Variants in DGCR2 observed in about 807,000 individuals in gnomAD.
DGCR2 encodes the protein integral membrane protein DGCR2/IDD.
Under a neutral mutation model 51.6 loss-of-function variants are expected in DGCR2, and 24 were observed. That is an observed-to-expected ratio of 0.47 (90% CI 0.34 to 0.65). The LOEUF (loss-of-function observed/expected upper bound fraction) is 0.65. Ranked by LOEUF, DGCR2 falls within the 30% of genes least tolerant of loss-of-function variation. DGCR2 has a pLI of 0.01. For synonymous variants in DGCR2, 340 were observed against 315.4 expected, an observed-to-expected ratio of 1.08 and a Z score of -0.82; for missense variants, 765 against 772.1, an observed-to-expected ratio of 0.99 and a Z score of 0.11.
At chr22:19,076,407 C>T (rs540843449) in intron 2 of DGCR2, among the ~76,000 whole-genome samples, 425 of 152,120 alleles carry the variant, frequency 2.8e-3, no homozygotes, top group Non-Finnish European at 3.6e-3. Context: ...TCAAGTGATC[C>T]GCCCGCCTCG....
In DGCR2 at chr22:19,038,882, G is replaced by A. The variant is rs937597449; in HGVS notation, c.1636C>T (p.Leu546Phe). ...CAGGCCGTCTACACCACAGTATTGA[G>A]GGAGCTGCGGCTGTGGCGGCCACCC... ...PGGGRHSRSS[L>F]NTVV The change falls in exon 10 of 10, where the codon CTC (leucine) becomes TTC (phenylalanine). Residue 546 changes from leucine (L) to phenylalanine (F), a missense_variant. Leu to Phe is a conservative substitution (Grantham distance 22). Around this residue, in one of 3 missense-constraint regions of DGCR2, gnomAD observed 205 missense variants for 181.4 expected, o/e 1.13. Coordinates refer to ENST00000263196, the MANE Select transcript of DGCR2 (RefSeq NM_005137.3). 7.4e-6 allele frequency: 12 copies of A among 1,612,838 alleles called. No homozygotes were observed. Among genetic ancestry groups the A allele is most frequent in the Non-Finnish European group, 9.3e-6 (11 of 1,179,910 alleles).
At position 19,038,766 on chromosome 22, in the gene DGCR2, C is replaced by T. The variant is rs2082398020; in HGVS notation, c.*99G>A. 10 of 1,480,890 alleles carry T rather than the reference C, an allele frequency of 6.8e-6. No homozygotes were observed. Among genetic ancestry groups the T allele is most frequent in the East Asian group, 2.3e-5 (1 of 43,776 alleles). The allele number at this position is 1,480,890 out of a possible 1,614,324, so 91.7% of individuals were successfully genotyped here. ...GCCAGTGACGTGCGGCAGTGCGTGG[C>T]GTCCAGGCTGGGACAGGGGCCTTTC... On this transcript the variant is annotated 3_prime_UTR_variant, in exon 10 of 10. Transcript: ENST00000263196.
At chr22:19,041,609 C>A in intron 8 of DGCR2, 198 bp downstream of exon 8, 1 of 667,200 alleles carries the variant, frequency 1.5e-6, no homozygotes, top group Non-Finnish European at 2.5e-6. Flanking sequence ...GAGTTCTGCC[C>A]ACCCTGTGGC....
chr22:19,074,754 T>C (rs2145985604), intron 2 of DGCR2, among the ~76,000 whole-genome samples: 1 of 152,238 alleles, frequency 6.6e-6, no homozygotes, highest in South Asian at 2.1e-4. Context: ...AACTAAAAAT[T>C]TGAAGTAGAC....
intron 1 of DGCR2, among the ~76,000 whole-genome samples, chr22:19,108,219 A>C (rs770720240): frequency 1.3e-5 from 2 of 152,120 alleles, no homozygotes; most frequent in Non-Finnish European, 2.9e-5. Context: ...AACAAGAAAA[A>C]ATGATAAATC....
Position 19,122,160 on chromosome 22 carries a change from A to T in DGCR2, c.47T>A (p.Leu16His). Reference sequence around the variant, plus strand: ...CAGCGGCTCGGTGACAGTGAGCACGAGCAGGAAGAGCAGCAGGAAGGCGCC... The same window carrying T: ...CAGCGGCTCGGTGACAGTGAGCACGTGCAGGAAGAGCAGCAGGAAGGCGCC... ...DSGAFLLLFL[L>H]VLTVTEPLRP... is the part of the protein sequence containing the mutation. Residue 16 changes from leucine (L) to histidine (H), a missense_variant, in exon 1 of 10, where the codon CTC (leucine) becomes CAC (histidine). By Grantham distance (99) the Leu-to-His change is moderately conservative (BLOSUM62 -3). This residue lies in a region of DGCR2 where 370 missense variants were observed against 325.5 expected (regional missense o/e 1.14). Coordinates refer to ENST00000263196, the MANE Select transcript of DGCR2 (RefSeq NM_005137.3). The T allele has an allele frequency of 1.3e-6, 2 of 1,511,236 alleles. No homozygotes were observed. Among genetic ancestry groups the T allele is most frequent in the Non-Finnish European group, 1.8e-6 (2 of 1,129,706 alleles). 93.6% of individuals were successfully genotyped at this position (1,511,236 alleles called of 1,614,324 possible).
At chr22:19,048,406 A>C (rs1361953531) in intron 7 of DGCR2, 34 bp downstream of exon 7, 1 of 1,610,306 alleles carries the variant, frequency 6.2e-7, no homozygotes, top group South Asian at 1.1e-5. Context: ...CCAAATAGGG[A>C]GGCTGACTTG....
At chr22:19,054,778 A>G (rs1286371379) in intron 6 of DGCR2, among the ~76,000 whole-genome samples, 1 of 151,548 alleles carries the variant, frequency 6.6e-6, no homozygotes, top group Non-Finnish European at 1.5e-5. Context: ...GAGAGTATAG[A>G]AAAAAATGTA....
At chr22:19,062,973 A>G (rs879322506) in intron 5 of DGCR2, among the ~76,000 whole-genome samples, 8 of 152,186 alleles carry the variant, frequency 5.3e-5, no homozygotes, top group Non-Finnish European at 7.4e-5. Flanking sequence ...AAGCTGGCCA[A>G]AGTGAGATGC....
At chr22:19,084,558 G>A (rs1222147357) in intron 2 of DGCR2, among the ~76,000 whole-genome samples, 29 of 134,088 alleles carry the variant, frequency 2.2e-4, no homozygotes, top group Non-Finnish European at 9.5e-5. Context: ...GAGCCCCTCC[G>A]CCCGGCAGCC....
At chr22:19,115,112 G>A (rs1263805777) in intron 1 of DGCR2, among the ~76,000 whole-genome samples, 5 of 152,172 alleles carry the variant, frequency 3.3e-5, no homozygotes, top group Non-Finnish European at 5.9e-5. Context: ...AGCATGTGCA[G>A]CCCATGCAGC....
In DGCR2 at chr22:19,068,101, G is replaced by A. The variant is rs963382753; in HGVS notation, c.327C>T (p.Ser109=). Reference sequence around the variant, plus strand: ...AGTCAGGGCAGGTCTGCAACTTACTGCTGAAGCGAACGGGCTGCGCCACGT... The same window carrying A: ...AGTCAGGGCAGGTCTGCAACTTACTACTGAAGCGAACGGGCTGCGCCACGT... The part of the protein sequence containing the change: ...AVNVAQPVRF[S]SFLGKCPTGW... The change falls in exon 3 of 10, where the codon AGC becomes AGT. Residue 109 remains serine, a splice_region_variant and synonymous_variant. Coordinates refer to ENST00000263196, the MANE Select transcript of DGCR2 (RefSeq NM_005137.3). 1.9e-6 allele frequency: 3 copies of A among 1,578,664 alleles called. No homozygotes were observed. Among genetic ancestry groups the A allele is most frequent in the Non-Finnish European group, 2.6e-6 (3 of 1,164,036 alleles).
At chr22:19,096,651 A>C (rs2083143813) in intron 1 of DGCR2, among the ~76,000 whole-genome samples, 1 of 152,042 alleles carries the variant, frequency 6.6e-6, no homozygotes, top group African/African-American at 2.4e-5. Context: ...AAGCCTTCTA[A>C]TTTCCCAAAC....
chr22:19,069,473 C>T (rs1036868285), intron 2 of DGCR2, among the ~76,000 whole-genome samples: 19 of 152,162 alleles, frequency 1.2e-4, no homozygotes, highest in Admixed American at 9.2e-4. Context: ...CAACAAAGGC[C>T]ATATTTAACT....
intron 4 of DGCR2, 48 bp from the exon 5 acceptor site, chr22:19,063,326 G>T: frequency 6.4e-7 from 1 of 1,556,538 alleles, no homozygotes; most frequent in Non-Finnish European, 8.8e-7. Context: ...CAGGAGGGAT[G>T]CAACCATCAA....
intron 1 of DGCR2, among the ~76,000 whole-genome samples, chr22:19,099,932 T>A (rs2083182818): frequency 6.7e-6 from 1 of 150,096 alleles, no homozygotes; most frequent in Non-Finnish European, 1.5e-5. Flanking sequence ...ATTGTACCAC[T>A]GCACTCCAGC....
At chr22:19,047,962 T>TG (rs1181019167) in intron 7 of DGCR2, 1 of 182,926 alleles carries the variant, frequency 5.5e-6, no homozygotes, top group African/African-American at 2.4e-5. Context: ...GAAGCTGAGG[T>TG]GGGTGGATCA....
intron 2 of DGCR2, among the ~76,000 whole-genome samples, chr22:19,071,173 G>A (rs544842220): frequency 3.3e-5 from 5 of 152,162 alleles, no homozygotes; most frequent in African/African-American, 1.2e-4. Flanking sequence ...CATCTGCTCC[G>A]ACTCTGGGCT....
At position 19,041,083 on chromosome 22, in the gene DGCR2, C is replaced by T; in HGVS notation, c.1371G>A (p.Pro457=). The change falls in exon 9 of 10, where the codon CCG becomes CCA. Residue 457 remains proline (P), a synonymous_variant. Coordinates refer to ENST00000263196, the MANE Select transcript of DGCR2 (RefSeq NM_005137.3). The part of the protein sequence containing the change: ...PPPPYEASIH[P]DSVFYDPADD... ...CTGCAGGGTCATAGAACACACTGTC[C>T]GGGTGGATGGAGGCCTCGTAGGGCG... 2 of 1,609,542 alleles carry T rather than the reference C, an allele frequency of 1.2e-6. No homozygotes were observed. The highest frequency in any genetic ancestry group is 1.3e-5 in the African/African-American group (1 of 75,020).
Sources: gnomAD v4.1 joint callset for allele counts (sites outside exome capture counted in the v4.1 genomes callset) on GRCh38, gnomAD v4.1.1 for gene constraint, gnomAD v4.1.1 regional missense constraint, MANE v1.5 for transcripts, NCBI Gene and HGNC (gene_info 2026-07-23, HGNC 2026-07-21) for gene names.